The following USO1 variants were observed in gnomAD, a reference collection of about 807,000 sequenced individuals.
USO1 encodes the protein USO1 vesicle transport factor, also known as general vesicular transport factor p115.
USO1 carries 57 observed loss-of-function variants against 124.5 expected under a neutral mutation model. The ratio of observed to expected loss-of-function variants is 0.46; its 90% confidence interval spans 0.37 to 0.57. USO1 has a LOEUF of 0.57. Ranked by LOEUF, USO1 falls within the 20% of genes least tolerant of loss-of-function variation. The pLI is 0.00. For synonymous variants in USO1, 369 were observed against 362.8 expected, an observed-to-expected ratio of 1.02 and a Z score of -0.19; for missense variants, 900 against 1,040.6, an observed-to-expected ratio of 0.86 and a Z score of 1.86.
At chr4:75,741,262 A>G (rs900412741) in intron 1 of USO1, among the ~76,000 whole-genome samples, 5 of 152,220 alleles carry the variant, frequency 3.3e-5, no homozygotes, top group African/African-American at 4.8e-5. Flanking sequence ...TAGTATGCCT[A>G]TATAGGTCGC....
At position 75,724,579 on chromosome 4, in the gene USO1, C is replaced by G; in HGVS notation, c.-241C>G. ...AGAGGTTCCTCTCGCCTCCGCTCCC[C>G]TTTTGCCTTCAACCTTCGAGCCGCC... On this transcript the variant is annotated 5_prime_UTR_variant, in exon 1 of 24. Coordinates refer to ENST00000514213, the MANE Select transcript of USO1 (RefSeq NM_003715.4). 3 of 540,596 alleles carry G rather than the reference C, an allele frequency of 5.5e-6. No individual in the cohort carries two copies. The highest frequency in any genetic ancestry group is 9.9e-6 in the Non-Finnish European group (3 of 302,928). The allele number at this position is 540,596 out of a possible 1,614,324, so 33.5% of individuals were successfully genotyped here.
At chr4:75,775,729 T>C (rs1016999806) in intron 8 of USO1, among the ~76,000 whole-genome samples, 12 of 152,100 alleles carry the variant, frequency 7.9e-5, no homozygotes, top group Admixed American at 7.9e-4. Flanking sequence ...GAAAAGACAG[T>C]AAGACAAGAG....
chr4:75,744,024 C>CCT (rs1721046615), intron 1 of USO1, among the ~76,000 whole-genome samples: 3 of 152,132 alleles, frequency 2.0e-5, no homozygotes, highest in Non-Finnish European at 4.4e-5. Context: ...GATCCGCCCG[C>CCT]CATGGCCTCC....
chr4:75,803,993 G>A, intron 17 of USO1, 141 bp from the exon 18 acceptor site: 5 of 1,016,692 alleles, frequency 4.9e-6, no homozygotes, highest in Non-Finnish European at 6.8e-6. Context: ...ACACCAAGTT[G>A]CTTAATTACT....
In USO1 at chr4:75,770,860, TCTTA is replaced by T; in HGVS notation, c.439_442del (p.Thr147LeufsTer3). 1 of 1,613,850 alleles carries T rather than the reference TCTTA, an allele frequency of 6.2e-7. No individual in the cohort carries two copies. Among genetic ancestry groups the T allele is most frequent in the Non-Finnish European group, 8.5e-7 (1 of 1,179,822 alleles). ...ATGTCCGCTGGCCTGGTGTGAAGCTTCTTACTTCTCTTTTAAAACAACTAGGGCC... is the reference window on the plus strand; with the variant it reads ...ATGTCCGCTGGCCTGGTGTGAAGCTTCTTCTCTTTTAAAACAACTAGGGCC... On this transcript the variant is annotated frameshift_variant, in exon 6 of 24. Coordinates refer to ENST00000514213, the MANE Select transcript of USO1 (RefSeq NM_003715.4). LOFTEE classifies it high-confidence loss of function.
Position 75,810,468 on chromosome 4 carries a change from A to C in USO1, c.2512A>C (p.Ile838Leu), listed in dbSNP as rs371346205. The part of the protein sequence containing the change: ...SVEVQGETET[I>L]IATKTTDVEG... ...TGAGGTACAAGGAGAGACCGAGACT[A>C]TAATAGCCACCAAAACTACTGATGT... The change falls in exon 22 of 24, where the codon ATA (isoleucine) becomes CTA (leucine). Residue 838 changes from isoleucine to leucine, a missense_variant. Transcript: ENST00000514213. The C allele has an allele frequency of 1.9e-4, 314 of 1,613,014 alleles. No individual in the cohort carries two copies. The highest frequency in any genetic ancestry group is 2.6e-4 in the Non-Finnish European group (311 of 1,179,586).
chr4:75,778,856 G>A (rs547417489), intron 8 of USO1, among the ~76,000 whole-genome samples: 17 of 152,068 alleles, frequency 1.1e-4, no homozygotes, highest in South Asian at 4.2e-4. Flanking sequence ...TTAATGATGG[G>A]GGAACTGGAA....
intron 23 of USO1, 136 bp downstream of exon 23, chr4:75,812,511 C>T (rs559599201): frequency 1.8e-6 from 2 of 1,136,760 alleles, no homozygotes; most frequent in African/African-American, 1.6e-5. Flanking sequence ...ATGGTACCAT[C>T]TATACTGTTT....
chr4:75,747,836 C>T (rs1284589984), intron 1 of USO1, among the ~76,000 whole-genome samples: 5 of 148,816 alleles, frequency 3.4e-5, no homozygotes, highest in South Asian at 2.1e-4. Flanking sequence ...AAGATGGTCT[C>T]GATCTCCTGA....
chr4:75,770,189 T>A (rs998850519), intron 4 of USO1: 1 of 236,178 alleles, frequency 4.2e-6, no homozygotes, highest in African/African-American at 2.3e-5. Context: ...TGAGAAAATA[T>A]GAGTATTTAA....
intron 1 of USO1, among the ~76,000 whole-genome samples, chr4:75,743,615 G>A (rs1359454744): frequency 6.6e-6 from 1 of 152,174 alleles, no homozygotes; most frequent in Non-Finnish European, 1.5e-5. Context: ...GCGTAGACCA[G>A]TGCCTTGCAA....
At chr4:75,802,100 G>A (rs929401621) in intron 17 of USO1, among the ~76,000 whole-genome samples, 6 of 152,156 alleles carry the variant, frequency 3.9e-5, no homozygotes, top group African/African-American at 1.4e-4. Context: ...GGGATTATAG[G>A]CATAAGCCAG....
chr4:75,740,538 C>T (rs1280702851), intron 1 of USO1, among the ~76,000 whole-genome samples: 1 of 152,228 alleles, frequency 6.6e-6, no homozygotes, highest in East Asian at 1.9e-4. Flanking sequence ...TCCTCCTTTT[C>T]GGCCTCCCAG....
chr4:75,803,370 G>A (rs545947240), intron 17 of USO1, among the ~76,000 whole-genome samples: 3 of 151,752 alleles, frequency 2.0e-5, no homozygotes, highest in Non-Finnish European at 4.4e-5. Context: ...AATTCTGGCC[G>A]GGCACGGTGG....
intron 22 of USO1, among the ~76,000 whole-genome samples, chr4:75,810,767 T>G (rs560101081): frequency 1.1e-3 from 175 of 152,336 alleles, no homozygotes; most frequent in Non-Finnish European, 2.0e-3. Context: ...AGTTTCGCTC[T>G]GTCACCAGAC....
intron 12 of USO1, among the ~76,000 whole-genome samples, chr4:75,792,173 G>T (rs1411187173): frequency 6.6e-6 from 1 of 152,070 alleles, no homozygotes; most frequent in Non-Finnish European, 1.5e-5. Flanking sequence ...GCCAAGGCAG[G>T]TATATTGCTT....
chr4:75,799,754 C>T (rs373654997), intron 14 of USO1, 22 bp downstream of exon 14: 40 of 1,610,510 alleles, frequency 2.5e-5, no homozygotes, highest in Non-Finnish European at 2.9e-5. Flanking sequence ...GTTTTAGTAA[C>T]GTACATGTAA....
At chr4:75,806,448 T>C in intron 19 of USO1, 38 bp from the exon 20 acceptor site, 2 of 1,549,424 alleles carry the variant, frequency 1.3e-6, no homozygotes, top group Non-Finnish European at 1.7e-6. Flanking sequence ...CTCTTTAGAC[T>C]GAATATATTT....
intron 8 of USO1, among the ~76,000 whole-genome samples, chr4:75,775,976 T>C (rs1722063173): frequency 6.6e-6 from 1 of 152,208 alleles, no homozygotes; most frequent in Admixed American, 6.5e-5. Flanking sequence ...CTGAGTGGTC[T>C]AGGTATTAGA....
Sources: gnomAD v4.1 joint callset for allele counts (sites outside exome capture counted in the v4.1 genomes callset) on GRCh38, gnomAD v4.1.1 for gene constraint, MANE v1.5 for transcripts, NCBI Gene and HGNC (gene_info 2026-07-23, HGNC 2026-07-21) for gene names.